Variants in ARMH3 observed in about 807,000 individuals in gnomAD.
ARMH3 encodes the protein armadillo-like helical domain-containing protein 3.
Under a neutral mutation model 99.1 loss-of-function variants are expected in ARMH3, and 60 were observed. That is an observed-to-expected ratio of 0.61 (90% CI 0.49 to 0.75). The LOEUF (loss-of-function observed/expected upper bound fraction) is 0.75. Among genes scored for constraint, ARMH3 ranks in the 30% least tolerant of loss-of-function variants. ARMH3 has a pLI of 0.00. For synonymous variants in ARMH3, 285 were observed against 292.8 expected, an observed-to-expected ratio of 0.97 and a Z score of 0.27; for missense variants, 679 against 843.1, an observed-to-expected ratio of 0.81 and a Z score of 2.41.
chr10:101,987,404 C>A (rs2135987063), intron 19 of ARMH3, among the ~76,000 whole-genome samples: 1 of 152,316 alleles, frequency 6.6e-6, no homozygotes. Flanking sequence ...ATGCTCCAGT[C>A]AGCATAGTCA....
At chr10:101,993,406 C>G (rs1279036837) in intron 17 of ARMH3, 132 bp downstream of exon 17, 26 of 575,924 alleles carry the variant, frequency 4.5e-5, no homozygotes. Context: ...GTCTGTTGAA[C>G]AGCCGTCATG....
rs368551794 is a variant in ARMH3 at position 102,032,276 on chromosome 10, T to C, written c.306+750A>G. Among the ~76,000 whole-genome samples, 4 of 152,200 alleles carry C rather than the reference T, an allele frequency of 2.6e-5. No individual in the cohort carries two copies. The East Asian group carries it at 7.7e-4, about 29-fold the overall frequency. The stretch of plus-strand genomic sequence containing the variant: ...CTTCCCTCAAGAACTCTGTAGTATA[T>C]CTCTATCATCCAGCCCAATGCCTGG... On this transcript the variant is annotated intron_variant, in intron 4 of 25. Coordinates refer to ENST00000370033, the MANE Select transcript of ARMH3 (RefSeq NM_024541.3).
intron 5 of ARMH3, chr10:102,029,389 G>A (rs754438655): frequency 4.4e-5 from 60 of 1,372,752 alleles, no homozygotes; most frequent in Non-Finnish European, 5.4e-5. Flanking sequence ...CATATGATAC[G>A]AGTAATAAAA....
intron 1 of ARMH3, among the ~76,000 whole-genome samples, chr10:102,047,727 G>C (rs1346324675): frequency 1.3e-5 from 2 of 152,042 alleles, no homozygotes; most frequent in African/African-American, 2.4e-5. Context: ...GAGCTCAAGT[G>C]ATCTGCCCAC....
chr10:101,861,201 A>T (rs1194158860), intron 24 of ARMH3, among the ~76,000 whole-genome samples: 2 of 152,236 alleles, frequency 1.3e-5, no homozygotes, highest in Admixed American at 6.5e-5. Context: ...AATCAGCTAG[A>T]GAAAAAAAGA....
At chr10:101,978,082 T>C (rs1258872524) in intron 19 of ARMH3, among the ~76,000 whole-genome samples, 2 of 152,254 alleles carry the variant, frequency 1.3e-5, no homozygotes, top group East Asian at 3.8e-4. Flanking sequence ...TTTTCTATAA[T>C]GTTCAACTTC....
intron 14 of ARMH3, among the ~76,000 whole-genome samples, chr10:102,003,495 T>C (rs1425766396): frequency 6.6e-6 from 1 of 152,156 alleles, no homozygotes; most frequent in Non-Finnish European, 1.5e-5. Context: ...TTCCCAAAAT[T>C]CTAAGACTTT....
chr10:101,885,917 CGTG>C, intron 24 of ARMH3, among the ~76,000 whole-genome samples: 1 of 151,754 alleles, frequency 6.6e-6, no homozygotes, highest in African/African-American at 2.4e-5. Flanking sequence ...ATTAGCTGAG[CGTG>C]GTGGTGGGTG....
intron 22 of ARMH3, among the ~76,000 whole-genome samples, chr10:101,951,022 A>T (rs903187992): frequency 1.3e-5 from 2 of 152,252 alleles, no homozygotes; most frequent in Non-Finnish European, 2.9e-5. Context: ...TTGGCAATAA[A>T]CAGTTAAAAA....
intron 23 of ARMH3, 21 bp downstream of exon 23, chr10:101,939,842 G>T (rs767190820): frequency 1.2e-6 from 2 of 1,605,992 alleles, no homozygotes; most frequent in Non-Finnish European, 1.7e-6. Context: ...AACTCTGCAA[G>T]AGATACTTCT....
At chr10:101,931,398 A>C (rs961156783) in intron 23 of ARMH3, among the ~76,000 whole-genome samples, 16 of 152,082 alleles carry the variant, frequency 1.1e-4, no homozygotes, top group Admixed American at 6.6e-5. Context: ...GGTGGTGGGC[A>C]CCGATAATCC....
At chr10:102,034,771 A>G (rs1464132402) in intron 2 of ARMH3, among the ~76,000 whole-genome samples, 1 of 147,458 alleles carries the variant, frequency 6.8e-6, no homozygotes, top group Non-Finnish European at 1.5e-5. Context: ...AGCCAGGTGC[A>G]GTGGCCCATG....
intron 24 of ARMH3, among the ~76,000 whole-genome samples, chr10:101,864,053 T>A: frequency 1.2e-5 from 1 of 84,768 alleles, no homozygotes; most frequent in Admixed American, 1.6e-4. Context: ...AGAGCAAGAC[T>A]CCATCTCAAA....
chr10:102,023,011 A>G (rs1476368696), intron 8 of ARMH3, among the ~76,000 whole-genome samples: 2 of 151,976 alleles, frequency 1.3e-5, no homozygotes, highest in Non-Finnish European at 2.9e-5. Flanking sequence ...CAACATGGAG[A>G]AACCTATCTC....
chr10:101,986,885 T>C (rs1846535800), intron 19 of ARMH3, among the ~76,000 whole-genome samples: 1 of 152,134 alleles, frequency 6.6e-6, no homozygotes, highest in Admixed American at 6.5e-5. Context: ...CTCTGTCAAC[T>C]TGATGCCTCG....
intron 20 of ARMH3, among the ~76,000 whole-genome samples, chr10:101,964,802 G>T (rs552943719): frequency 6.7e-6 from 1 of 150,214 alleles, no homozygotes; most frequent in African/African-American, 2.5e-5. Flanking sequence ...CTGAGGTCAG[G>T]AGTTCAAGAC....
chr10:101,847,514 A>C lies in ARMH3; in HGVS notation c.*14T>G, dbSNP rs2066488933. The C allele has an allele frequency of 1.2e-6, 2 of 1,611,964 alleles. No individual in the cohort carries two copies. The highest frequency in any genetic ancestry group is 1.7e-6 in the Non-Finnish European group (2 of 1,177,980). The stretch of plus-strand genomic sequence containing the variant: ...GGGTAAGGGCAGTCAGAGGCTGCTC[A>C]GGTAGGCGTGGCCTCAGGAGATAGT... On this transcript the variant is annotated 3_prime_UTR_variant, in exon 26 of 26. Transcript: ENST00000370033.
At chr10:101,935,201 A>ATATATATATATATATATT (rs1843910042) in intron 23 of ARMH3, among the ~76,000 whole-genome samples, 1 of 147,046 alleles carries the variant, frequency 6.8e-6, no homozygotes, top group Non-Finnish European at 1.5e-5. Flanking sequence ...ATATATATAC[A>ATATATATATATATATATT]TTTTTTGTAT....
In ARMH3 at chr10:102,029,648, A is replaced by C; in HGVS notation, c.404T>G (p.Leu135Arg). The change falls in exon 5 of 26, where the codon CTG (leucine) becomes CGG (arginine). Residue 135 changes from leucine to arginine, a missense_variant. By Grantham distance (102) the Leu-to-Arg change is moderately radical (BLOSUM62 -2). Transcript: ENST00000370033. Reference sequence around the variant, plus strand: ...CAGCTTATGCCTCACCTTCATGCACAGCTCCGCCTTGTCAAAGCCCATCAG... The same window carrying C: ...CAGCTTATGCCTCACCTTCATGCACCGCTCCGCCTTGTCAAAGCCCATCAG... ...NMLMGFDKAE[L>R]CMKNLMESLD... 1 of 1,614,236 alleles carries C rather than the reference A, an allele frequency of 6.2e-7. No homozygotes were observed. Among genetic ancestry groups the C allele is most frequent in the South Asian group, 1.1e-5 (1 of 91,086 alleles).
Sources: allele counts gnomAD v4.1 joint callset (sites outside exome capture counted in the v4.1 genomes callset), GRCh38; gene constraint gnomAD v4.1.1; transcripts MANE v1.5; gene names NCBI Gene and HGNC (gene_info 2026-07-23, HGNC 2026-07-21).